The following RASA3 variants were observed in gnomAD, a reference collection of about 807,000 sequenced individuals.
RASA3 encodes the protein ras GTPase-activating protein 3.
In RASA3, 73 loss-of-function variants were observed where a neutral mutation model predicts 110.0. That is an observed-to-expected ratio of 0.66 (90% confidence interval 0.55 to 0.81). The LOEUF is 0.81. RASA3 is among the 30% of genes least tolerant of loss of function. The pLI is 0.00. For missense variants in RASA3, 976 were observed against 1,113.2 expected (o/e 0.88, Z 1.75); for synonymous variants, 500 against 451.4 (o/e 1.11, Z -1.37).
chr13:114,073,677 A>G, intron 2 of RASA3, 43 bp downstream of exon 2: 2 of 1,500,988 alleles, frequency 1.3e-6, no homozygotes, highest in African/African-American at 2.8e-5. Flanking sequence ...CTCTACACCA[A>G]AGAAAACACA....
At chr13:114,021,324 T>A in intron 9 of RASA3, 80 bp downstream of exon 9, 1 of 1,293,874 alleles carries the variant, frequency 7.7e-7, no homozygotes, top group Non-Finnish European at 1.1e-6. Context: ...ATGTGGCCTC[T>A]GTGCCTTTCC....
At chr13:113,991,902 G>A (rs1289880687) in intron 22 of RASA3, among the ~76,000 whole-genome samples, 2 of 151,994 alleles carry the variant, frequency 1.3e-5, no homozygotes, top group Non-Finnish European at 2.9e-5. Flanking sequence ...GCTCACACAT[G>A]TACCCACACA....
At chr13:114,042,938 C>T (rs1159674320) in intron 3 of RASA3, among the ~76,000 whole-genome samples, 1 of 152,194 alleles carries the variant, frequency 6.6e-6, no homozygotes, top group Admixed American at 6.5e-5. Flanking sequence ...AGGGAGCTTC[C>T]GTCCCTGCCT....
chr13:114,031,188 T>C (rs912816862), intron 4 of RASA3, among the ~76,000 whole-genome samples: 2 of 151,004 alleles, frequency 1.3e-5, no homozygotes, highest in Non-Finnish European at 3.0e-5. Flanking sequence ...TCTGTGCATG[T>C]GGCTATGTGT....
intron 14 of RASA3, among the ~76,000 whole-genome samples, chr13:114,013,956 CTCTCTCTCTCTCTCCGTCTCGA>C (rs2053727248): frequency 3.0e-5 from 1 of 33,276 alleles, no homozygotes; most frequent in Non-Finnish European, 4.7e-5. Flanking sequence ...CTCTCTGTCT[CTCTCTCTCTCTCTCCGTCTCGA>C]TCTCTCTCTC....
intron 1 of RASA3, among the ~76,000 whole-genome samples, chr13:114,081,207 C>T (rs1014191258): frequency 4.0e-5 from 6 of 151,122 alleles, no homozygotes; most frequent in Non-Finnish European, 5.9e-5. Flanking sequence ...CTGTTAGCAA[C>T]GGGCCACACA....
intron 2 of RASA3, 111 bp from the exon 3 acceptor site, chr13:114,052,266 C>G: frequency 1.5e-6 from 1 of 680,520 alleles, no homozygotes; most frequent in East Asian, 2.8e-5. Flanking sequence ...ATGCCCTGCA[C>G]TGTGTGGCAC....
chr13:114,047,054 GA>G (rs1425745766), intron 3 of RASA3, among the ~76,000 whole-genome samples: 1 of 152,000 alleles, frequency 6.6e-6, no homozygotes, highest in African/African-American at 2.4e-5. Flanking sequence ...AATCATACAA[GA>G]AAAAAATGTG....
At chr13:114,116,381 C>T (rs2080275169) in intron 1 of RASA3, among the ~76,000 whole-genome samples, 1 of 152,028 alleles carries the variant, frequency 6.6e-6, no homozygotes, top group African/African-American at 2.4e-5. Context: ...TTTTCATAAA[C>T]ATGCCGCATT....
intron 3 of RASA3, among the ~76,000 whole-genome samples, chr13:114,041,824 T>C (rs1334393783): frequency 6.6e-6 from 1 of 152,202 alleles, no homozygotes; most frequent in Admixed American, 6.5e-5. Flanking sequence ...GTGTAATGAA[T>C]GAGCCGCCTT....
chr13:114,017,958 G>T (rs573241785), intron 11 of RASA3, 146 bp downstream of exon 11: 5 of 962,834 alleles, frequency 5.2e-6, no homozygotes, highest in South Asian at 2.4e-5. Context: ...AACTGGGTCT[G>T]TGAAAGAAAA....
chr13:114,105,770 C>T (rs1386507885), intron 1 of RASA3, among the ~76,000 whole-genome samples: 2 of 152,214 alleles, frequency 1.3e-5, no homozygotes, highest in Non-Finnish European at 2.9e-5. Flanking sequence ...GGCATATTTA[C>T]GGTGTCTTCT....
intron 4 of RASA3, among the ~76,000 whole-genome samples, chr13:114,030,431 G>A (rs183708412): frequency 1.4e-5 from 1 of 74,044 alleles, no homozygotes; most frequent in African/African-American, 3.8e-5. Flanking sequence ...CACACAGAGG[G>A]CAAGGCTCAC....
intron 4 of RASA3, among the ~76,000 whole-genome samples, chr13:114,030,702 G>A (rs2054146894): frequency 6.6e-6 from 1 of 152,226 alleles, no homozygotes; most frequent in Non-Finnish European, 1.5e-5. Flanking sequence ...GTGTCCACCT[G>A]TCTGTGCGTA....
In RASA3 at chr13:114,112,900, G is replaced by T. The variant is rs963875793; in HGVS notation, c.55+19535C>A. Among the ~76,000 whole-genome samples, 10 of 152,288 alleles carry T rather than the reference G, an allele frequency of 6.6e-5. No individual in the cohort carries two copies. The highest frequency in any genetic ancestry group is 3.4e-3 in the Middle Eastern group (1 of 294). ...AGAGAGTGAATGAGAGGCCAGCAGG[G>T]GGCTGGGAAGGTGCTTAGCTCAGGG... is the stretch of plus-strand genomic sequence containing the variant. On this transcript the variant is annotated intron_variant, in intron 1 of 23. Transcript: ENST00000334062. The surrounding 1 kb of genome is among the most constrained non-coding windows in gnomAD (Gnocchi z 4.8).
chr13:114,038,553 G>A (rs749559967), intron 4 of RASA3, among the ~76,000 whole-genome samples: 8 of 152,202 alleles, frequency 5.3e-5, no homozygotes, highest in African/African-American at 1.4e-4. Context: ...CTTAATTTCC[G>A]TCAAGGGCCT....
intron 3 of RASA3, among the ~76,000 whole-genome samples, chr13:114,043,442 A>T (rs2054459453): frequency 6.6e-6 from 1 of 152,006 alleles, no homozygotes; most frequent in Non-Finnish European, 1.5e-5. Context: ...CCCTGGAAAA[A>T]GCCCCTTCCC....
chr13:114,110,991 A>G (rs995071191), intron 1 of RASA3, among the ~76,000 whole-genome samples: 1 of 141,850 alleles, frequency 7.0e-6, no homozygotes, highest in Non-Finnish European at 1.5e-5. Context: ...TGCTCAAAGT[A>G]AAAAAAAAAA....
chr13:114,129,947 C>A (rs2080495877), intron 1 of RASA3, among the ~76,000 whole-genome samples: 1 of 152,230 alleles, frequency 6.6e-6, no homozygotes, highest in Non-Finnish European at 1.5e-5. Context: ...ACCAGGGACT[C>A]AGGCAGGGCA....
Sources: allele counts gnomAD v4.1 joint callset (sites outside exome capture counted in the v4.1 genomes callset), GRCh38; gene constraint gnomAD v4.1.1; non-coding constraint Gnocchi (gnomAD v3.1); transcripts MANE v1.5; gene names NCBI Gene and HGNC (gene_info 2026-07-23, HGNC 2026-07-21).